Variants in ADAMTS18 observed in about 807,000 individuals in gnomAD.
The protein encoded by ADAMTS18 is ADAM metallopeptidase with thrombospondin type 1 motif 18.
Under a neutral mutation model 165.9 loss-of-function variants are expected in ADAMTS18, and 157 were observed. The ratio of observed to expected loss-of-function variants is 0.95; its 90% confidence interval spans 0.83 to 1.08. The LOEUF is 1.08. Ranked by LOEUF, ADAMTS18 falls within the 50% of genes least tolerant of loss-of-function variation. ADAMTS18 has a pLI of 0.00. For synonymous variants in ADAMTS18, 782 were observed against 578.2 expected (o/e 1.35, Z -5.06); for missense variants, 2,040 against 1,534.0 (o/e 1.33, Z -5.51).
intron 16 of ADAMTS18, among the ~76,000 whole-genome samples, chr16:77,309,503 A>C (rs1054946825): frequency 1.3e-5 from 2 of 152,172 alleles, no homozygotes; most frequent in Non-Finnish European, 2.9e-5. Flanking sequence ...ACCCAAGGAG[A>C]ATGGATGTCT....
intron 22 of ADAMTS18, among the ~76,000 whole-genome samples, chr16:77,286,341 G>T (rs1251359087): frequency 3.3e-5 from 5 of 152,092 alleles, no homozygotes; most frequent in Non-Finnish European, 7.4e-5. Flanking sequence ...GACACTGTGT[G>T]CTAATTGGTT....
At chr16:77,411,213 T>C (rs1335775480) in intron 3 of ADAMTS18, among the ~76,000 whole-genome samples, 1 of 152,138 alleles carries the variant, frequency 6.6e-6, no homozygotes, top group Non-Finnish European at 1.5e-5. Flanking sequence ...CCTGCTGGGG[T>C]GCTCTTCCTG....
intron 3 of ADAMTS18, among the ~76,000 whole-genome samples, chr16:77,389,720 T>G (rs1051093515): frequency 6.6e-6 from 1 of 152,188 alleles, no homozygotes; most frequent in African/African-American, 2.4e-5. Context: ...AGGCTAAGGT[T>G]AGCCAAGTGA....
chr16:77,362,460 T>C (rs2056730015), intron 6 of ADAMTS18, among the ~76,000 whole-genome samples, 196 bp from the exon 7 acceptor site: 1 of 152,252 alleles, frequency 6.6e-6, no homozygotes, highest in Admixed American at 6.5e-5. Context: ...ACAAAGTTTC[T>C]GTAGTGTGAT....
chr16:77,301,166 G>C (rs1285544190), intron 16 of ADAMTS18, among the ~76,000 whole-genome samples: 3 of 151,966 alleles, frequency 2.0e-5, no homozygotes, highest in Admixed American at 1.3e-4. Context: ...ACTAAAATAA[G>C]AGCAATCACA....
chr16:77,431,100 GTAAT>G (rs1597267497), intron 3 of ADAMTS18, among the ~76,000 whole-genome samples, 191 bp downstream of exon 3: 1 of 152,184 alleles, frequency 6.6e-6, no homozygotes, highest in Non-Finnish European at 1.5e-5. Flanking sequence ...GTTCTAAATG[GTAAT>G]TAAAGTTCTA....
chr16:77,392,252 G>A (rs2057198120), intron 3 of ADAMTS18, among the ~76,000 whole-genome samples: 1 of 152,266 alleles, frequency 6.6e-6, no homozygotes, highest in South Asian at 2.1e-4. Flanking sequence ...GTGGTGTCAC[G>A]CTAATTTTGT....
intron 3 of ADAMTS18, among the ~76,000 whole-genome samples, chr16:77,389,165 G>A (rs1185421262): frequency 1.3e-5 from 2 of 152,236 alleles, no homozygotes; most frequent in East Asian, 3.9e-4. Flanking sequence ...GCGAGGCATG[G>A]TTGCACATAC....
intron 12 of ADAMTS18, among the ~76,000 whole-genome samples, chr16:77,330,316 G>A (rs963565703): frequency 6.6e-6 from 1 of 152,172 alleles, no homozygotes; most frequent in Non-Finnish European, 1.5e-5. Context: ...TTCTTGGAGA[G>A]TTTATAGGAA....
chr16:77,304,070 T>TAAA (rs2055638604), intron 16 of ADAMTS18, among the ~76,000 whole-genome samples: 1 of 151,988 alleles, frequency 6.6e-6, no homozygotes, highest in South Asian at 2.1e-4. Context: ...GGAATTGAAA[T>TAAA]GTTTTAGTAA....
At chr16:77,402,143 A>G (rs141722628) in intron 3 of ADAMTS18, among the ~76,000 whole-genome samples, 7 of 152,278 alleles carry the variant, frequency 4.6e-5, no homozygotes, top group Admixed American at 4.6e-4. Context: ...CTGTTTTTCT[A>G]CGGAACGCTG....
chr16:77,348,442 CAGAAG>C (rs1208163222), intron 10 of ADAMTS18, among the ~76,000 whole-genome samples: 3 of 152,146 alleles, frequency 2.0e-5, no homozygotes, highest in Non-Finnish European at 4.4e-5. Flanking sequence ...TCCAGGGTGG[CAGAAG>C]AGAAGTGTGC....
chr16:77,343,156 C>G (rs1238896903), intron 10 of ADAMTS18, among the ~76,000 whole-genome samples: 1 of 151,946 alleles, frequency 6.6e-6, no homozygotes, highest in Non-Finnish European at 1.5e-5. Context: ...CACTGCAACC[C>G]CCGCCTCCTG....
chr16:77,314,787 A>AT lies in ADAMTS18; in HGVS notation c.2532+5061_2532+5062insA, dbSNP rs1567474883. Among the ~76,000 whole-genome samples, 393 of 49,280 alleles carry AT rather than the reference A, an allele frequency of 8.0e-3. 66 individuals are homozygous for AT. Among genetic ancestry groups the AT allele is most frequent in the African/African-American group, 0.026 (329 of 12,826 alleles). The allele number at this position is 49,280 out of a possible 152,430, so 32.3% of individuals were successfully genotyped here. On this transcript the variant is annotated intron_variant, in intron 16 of 22. Coordinates refer to ENST00000282849, the MANE Select transcript of ADAMTS18 (RefSeq NM_199355.4). ...ATATATATATATATATATATATATA[A>AT]AATATATGTGATATGCTCAGAAGGC...
chr16:77,381,552 C>T (rs1183479198), intron 3 of ADAMTS18, among the ~76,000 whole-genome samples: 1 of 152,082 alleles, frequency 6.6e-6, no homozygotes, highest in African/African-American at 2.4e-5. Flanking sequence ...GCCTGTAATC[C>T]CAGCACTTTG....
intron 3 of ADAMTS18, among the ~76,000 whole-genome samples, chr16:77,401,026 T>G (rs539344142): frequency 4.6e-5 from 7 of 151,898 alleles, no homozygotes; most frequent in African/African-American, 1.7e-4. Flanking sequence ...GAGGCTGAGG[T>G]GGGTGGATCA....
At chr16:77,428,655 C>T (rs902195492) in intron 3 of ADAMTS18, among the ~76,000 whole-genome samples, 1 of 152,040 alleles carries the variant, frequency 6.6e-6, no homozygotes, top group Non-Finnish European at 1.5e-5. Flanking sequence ...GTTGAGTACC[C>T]CTAATCCAAA....
In ADAMTS18 at chr16:77,329,636, T is replaced by C. The variant is rs1342143204; in HGVS notation, c.1860-3598A>G. 2.0e-5 allele frequency among the ~76,000 whole-genome samples: 3 copies of C among 152,324 alleles called. No homozygotes were observed. In the East Asian group the frequency reaches 5.8e-4, roughly 29 times the overall value. On this transcript the variant is annotated intron_variant, in intron 12 of 22. Coordinates refer to ENST00000282849, the MANE Select transcript of ADAMTS18 (RefSeq NM_199355.4). ...ACCCTGTGCTGAGTATTATGTGATC[T>C]GATTTTTATATACTAATACATTTCA...
chr16:77,385,283 A>T (rs1057168089), intron 3 of ADAMTS18, among the ~76,000 whole-genome samples: 1 of 152,202 alleles, frequency 6.6e-6, no homozygotes, highest in African/African-American at 2.4e-5. Context: ...TTAAATTATC[A>T]TTATCCAAAT....
Sources: allele counts gnomAD v4.1 joint callset (sites outside exome capture counted in the v4.1 genomes callset), GRCh38; gene constraint gnomAD v4.1.1; transcripts MANE v1.5; gene names NCBI Gene and HGNC (gene_info 2026-07-23, HGNC 2026-07-21).